RBFOX1: variants seen among roughly 807,000 people sequenced by gnomAD.
RBFOX1 encodes RNA binding fox-1 homolog 1, also known as RNA binding protein fox-1 homolog 1.
Under a neutral mutation model 57.7 loss-of-function variants are expected in RBFOX1, and 8 were observed. That is an observed-to-expected ratio of 0.14 (90% CI 0.08 to 0.25). The LOEUF (loss-of-function observed/expected upper bound fraction) is 0.25. Among genes scored for constraint, RBFOX1 ranks in the 10% least tolerant of loss-of-function variants. RBFOX1 has a pLI of 1.00. For missense variants in RBFOX1, 611 were observed against 548.5 expected (o/e 1.11, Z -1.14); for synonymous variants, 326 against 222.4 (o/e 1.47, Z -4.15).
At chr16:7,170,414 G>A (rs1366034614) in intron 4 of RBFOX1, among the ~76,000 whole-genome samples, 1 of 152,034 alleles carries the variant, frequency 6.6e-6, no homozygotes, top group African/African-American at 2.4e-5. Flanking sequence ...TGAGACTACA[G>A]GCACAGGTCA....
rs570208447 is a variant in RBFOX1 at position 7,659,976 on chromosome 16, C to G, written c.891-4953C>G. On this transcript the variant is annotated intron_variant, in intron 12 of 15. Transcript: ENST00000550418. The stretch of plus-strand genomic sequence containing the variant: ...CATGCCAGCTAGTTTCTGATCCCCC[C>G]AATATCCATTAAAAAATAGCGGTAT... 3.9e-5 allele frequency among the ~76,000 whole-genome samples: 6 copies of G among 152,222 alleles called. No homozygotes were observed. In the East Asian group the frequency reaches 1.2e-3, roughly 29 times the overall value.
intron 4 of RBFOX1, among the ~76,000 whole-genome samples, chr16:7,096,169 C>T (rs1209631157): frequency 6.6e-6 from 1 of 152,094 alleles, no homozygotes; most frequent in Non-Finnish European, 1.5e-5. Context: ...AGATAAAACA[C>T]AACACAATAA....
chr16:6,495,788 A>G (rs1166017095), intron 2 of RBFOX1, among the ~76,000 whole-genome samples: 1 of 152,102 alleles, frequency 6.6e-6, no homozygotes, highest in African/African-American at 2.4e-5. Context: ...AATCTCTCCT[A>G]TGGCAAACTC....
chr16:5,643,271 T>C (rs1329515519), intron 3 of RBFOX1, among the ~76,000 whole-genome samples: 1 of 152,180 alleles, frequency 6.6e-6, no homozygotes, highest in East Asian at 1.9e-4. Context: ...TTTGTAAAAA[T>C]GATGTGGCTT....
At chr16:7,342,154 C>T (rs1056997743) in intron 4 of RBFOX1, among the ~76,000 whole-genome samples, 3 of 152,182 alleles carry the variant, frequency 2.0e-5, no homozygotes, top group Admixed American at 2.0e-4. Context: ...CTGGCCATTA[C>T]TCTCTCTGTG....
At chr16:6,689,030 T>C (rs149809862) in intron 3 of RBFOX1, among the ~76,000 whole-genome samples, 333 of 152,284 alleles carry the variant, frequency 2.2e-3, no homozygotes, top group African/African-American at 7.5e-3. Context: ...CTTTATCCAG[T>C]CTATTATTGA....
chr16:6,936,663 A>G (rs1240632662), intron 3 of RBFOX1, among the ~76,000 whole-genome samples: 2 of 152,100 alleles, frequency 1.3e-5, no homozygotes, highest in South Asian at 2.1e-4. Context: ...CCGCTATTTC[A>G]CAGATACAAA....
intron 3 of RBFOX1, among the ~76,000 whole-genome samples, chr16:7,043,980 G>C (rs1180218138): frequency 6.6e-6 from 1 of 152,058 alleles, no homozygotes; most frequent in Non-Finnish European, 1.5e-5. Context: ...AAGACAAGTT[G>C]GGCCACCTCC....
chr16:6,956,327 A>G (rs567775637), intron 3 of RBFOX1, among the ~76,000 whole-genome samples: 5 of 152,286 alleles, frequency 3.3e-5, no homozygotes, highest in Admixed American at 6.5e-5. Context: ...CATCTCCCAC[A>G]TTAATTATTC....
At chr16:7,418,202 G>C (rs1191426708) in intron 4 of RBFOX1, among the ~76,000 whole-genome samples, 1 of 152,182 alleles carries the variant, frequency 6.6e-6, no homozygotes, top group Non-Finnish European at 1.5e-5. Context: ...TTCCACCCCA[G>C]AAGCCTCCAT....
At chr16:5,754,411 C>T (rs994747431) in intron 3 of RBFOX1, among the ~76,000 whole-genome samples, 2 of 151,968 alleles carry the variant, frequency 1.3e-5, no homozygotes, top group African/African-American at 2.4e-5. Flanking sequence ...TGCCCCTACA[C>T]ACCTGTGGGT....
intron 2 of RBFOX1, among the ~76,000 whole-genome samples, chr16:6,563,322 G>A (rs957526149): frequency 6.6e-6 from 1 of 152,134 alleles, no homozygotes; most frequent in Non-Finnish European, 1.5e-5. Context: ...AATGGGCCAG[G>A]CACTATTCTA....
intron 3 of RBFOX1, among the ~76,000 whole-genome samples, chr16:6,667,205 A>C (rs1340077541): frequency 1.3e-5 from 2 of 151,986 alleles, no homozygotes; most frequent in African/African-American, 4.8e-5. Context: ...CGGAAACCTA[A>C]ACGACAGATG....
At chr16:5,791,251 A>C (rs979358240) in intron 3 of RBFOX1, among the ~76,000 whole-genome samples, 4 of 152,332 alleles carry the variant, frequency 2.6e-5, no homozygotes, top group South Asian at 2.1e-4. Flanking sequence ...ACTGTAGCCA[A>C]CTATCTTTTG....
intron 3 of RBFOX1, among the ~76,000 whole-genome samples, chr16:6,924,383 G>T (rs550339960): frequency 1.3e-5 from 2 of 152,036 alleles, no homozygotes; most frequent in East Asian, 3.9e-4. Context: ...GGGAGGAGGT[G>T]CCAGCCTCCT....
Position 6,955,570 on chromosome 16 carries a change from T to G in RBFOX1, c.-15-96487T>G, listed in dbSNP as rs538146603. Among the ~76,000 whole-genome samples, 6 of 152,304 alleles carry G rather than the reference T, an allele frequency of 3.9e-5. No homozygotes were observed. In the South Asian group the frequency reaches 1.2e-3, roughly 32 times the overall value. ...TTACTCTTCTCTGTGAACATCTTAGTGTAATATTGGTTTTATATGCTGGTG... is the reference window on the plus strand; with the variant it reads ...TTACTCTTCTCTGTGAACATCTTAGGGTAATATTGGTTTTATATGCTGGTG... On this transcript the variant is annotated intron_variant, in intron 3 of 15. Coordinates refer to ENST00000550418, the MANE Select transcript of RBFOX1 (RefSeq NM_018723.4).
At chr16:5,431,678 T>C (rs71390662) in intron 1 of RBFOX1, among the ~76,000 whole-genome samples, 1 of 152,224 alleles carries the variant, frequency 6.6e-6, no homozygotes, top group Admixed American at 6.5e-5. Flanking sequence ...CAGCCGCTGG[T>C]TTATTTTTTA....
At chr16:5,718,633 A>G (rs989840232) in intron 3 of RBFOX1, among the ~76,000 whole-genome samples, 2 of 152,204 alleles carry the variant, frequency 1.3e-5, no homozygotes, top group African/African-American at 4.8e-5. Flanking sequence ...CTGGCTGGAC[A>G]TGGTAGCTCA....
Position 6,634,173 on chromosome 16 carries a change from G to A in RBFOX1, c.-63-20430G>A, listed in dbSNP as rs773047332. Among the ~76,000 whole-genome samples, 18 of 152,134 alleles carry A rather than the reference G, an allele frequency of 1.2e-4. 1 individual carries two copies. The highest frequency in any genetic ancestry group is 2.1e-4 in the Non-Finnish European group (14 of 68,032). ...AATTCATGGAGGTTCAGAATGGGTA[G>A]AAAAGTCAATAAACAGTAAAGTTGC... On this transcript the variant is annotated intron_variant, in intron 2 of 15. Coordinates refer to ENST00000550418, the MANE Select transcript of RBFOX1 (RefSeq NM_018723.4).
Sources: gnomAD v4.1 joint callset for allele counts (sites outside exome capture counted in the v4.1 genomes callset) on GRCh38, gnomAD v4.1.1 for gene constraint, MANE v1.5 for transcripts, NCBI Gene and HGNC (gene_info 2026-07-23, HGNC 2026-07-21) for gene names.